CSMD1: variants seen among roughly 807,000 people sequenced by gnomAD.
CSMD1 encodes the protein CUB and sushi domain-containing protein 1.
In CSMD1, 213 loss-of-function variants were observed where a neutral mutation model predicts 417.5. The observed-to-expected ratio is 0.51, with a 90% CI of 0.46 to 0.57. The LOEUF (loss-of-function observed/expected upper bound fraction) is 0.57, where lower values mean the gene tolerates loss of function less well. CSMD1 is among the 20% of genes least tolerant of loss of function. The pLI, the probability that CSMD1 is intolerant of heterozygous loss-of-function variation, is 0.00. For missense variants in CSMD1, 6,923 were observed against 4,529.7 expected (o/e 1.53, Z -15.17); for synonymous variants, 2,862 against 1,736.8 (o/e 1.65, Z -16.11).
At chr8:3,596,361 T>A (rs1801094987) in intron 8 of CSMD1, among the ~76,000 whole-genome samples, 1 of 152,136 alleles carries the variant, frequency 6.6e-6, no homozygotes, top group South Asian at 2.1e-4. Flanking sequence ...TGACATATAT[T>A]ACTAACCACT....
intron 3 of CSMD1, among the ~76,000 whole-genome samples, chr8:4,085,779 G>C (rs1204299761): frequency 6.6e-6 from 1 of 152,162 alleles, no homozygotes; most frequent in Non-Finnish European, 1.5e-5. Context: ...GTTAAAGGAA[G>C]TAAATATGTT....
Position 3,052,645 on chromosome 8 carries a change from C to A in CSMD1, c.7477G>T (p.Val2493Leu). The A allele has an allele frequency of 1.3e-6, 2 of 1,593,856 alleles. No individual in the cohort carries two copies. Among genetic ancestry groups the A allele is most frequent in the Admixed American group, 1.8e-5 (1 of 56,468 alleles). Residue 2493 changes from valine (V) to leucine (L), a missense_variant and splice_region_variant, in exon 50 of 70, where the codon GTG becomes TTG. Physicochemically the swap from Val to Leu is conservative, Grantham distance 32 (BLOSUM62 1). Transcript: ENST00000635120. The part of the protein sequence containing the change: ...WDSLTPLCQA[V>L]SCGIPESPGN... ...GGGGATTCTGGGATTCCACAGGACA[C>A]AGCTGAAAAGAAATGAAACAAATGT... is the stretch of plus-strand genomic sequence containing the variant.
At chr8:3,613,308 T>C in intron 8 of CSMD1, 1 of 420,010 alleles carries the variant, frequency 2.4e-6, no homozygotes, top group South Asian at 1.7e-5. Context: ...TCCAGGTAGC[T>C]TCCCTGGTGA....
At chr8:4,332,701 T>G (rs1052787349) in intron 3 of CSMD1, among the ~76,000 whole-genome samples, 1 of 151,944 alleles carries the variant, frequency 6.6e-6, no homozygotes, top group Non-Finnish European at 1.5e-5. Flanking sequence ...TTAAATTACA[T>G]GAAAAAGTAT....
intron 8 of CSMD1, 108 bp downstream of exon 8, chr8:3,616,602 G>A (rs1007952646): frequency 1.4e-6 from 1 of 718,606 alleles, no homozygotes; most frequent in Non-Finnish European, 2.3e-6. Flanking sequence ...TGATTAAGAA[G>A]TTTTATCTTT....
intron 3 of CSMD1, among the ~76,000 whole-genome samples, chr8:4,238,267 G>C (rs939053504): frequency 2.6e-5 from 4 of 152,148 alleles, no homozygotes; most frequent in South Asian, 2.1e-4. Context: ...TCTTTCACTA[G>C]GGACTAGAGA....
intron 1 of CSMD1, among the ~76,000 whole-genome samples, chr8:4,933,366 G>T (rs982203992): frequency 5.5e-4 from 83 of 152,290 alleles, no homozygotes; most frequent in African/African-American, 1.9e-3. Context: ...TTGGTAAACT[G>T]TAAGTGCTGC....
At chr8:3,877,006 C>T (rs955239364) in intron 5 of CSMD1, among the ~76,000 whole-genome samples, 3 of 152,216 alleles carry the variant, frequency 2.0e-5, no homozygotes, top group Admixed American at 2.0e-4. Context: ...AACATACTTT[C>T]ATATGAAATG....
intron 5 of CSMD1, among the ~76,000 whole-genome samples, chr8:3,862,656 C>G (rs1034669120): frequency 6.6e-6 from 1 of 152,186 alleles, no homozygotes; most frequent in Non-Finnish European, 1.5e-5. Flanking sequence ...CTAAATATTT[C>G]TTTGGTTATT....
Position 3,029,740 on chromosome 8 carries a change from G to A in CSMD1, c.7661-227C>T, listed in dbSNP as rs186174447. 2.6e-5 allele frequency among the ~76,000 whole-genome samples: 4 copies of A among 151,148 alleles called. No individual in the cohort carries two copies. The East Asian group carries it at 7.7e-4, about 29-fold the overall frequency. ...TCACTACAGATGTCCTGGGAAGTCTGCAGTCAGACTGAACTGTAAAGGGGG... is the reference window on the plus strand; with the variant it reads ...TCACTACAGATGTCCTGGGAAGTCTACAGTCAGACTGAACTGTAAAGGGGG... On this transcript the variant is annotated intron_variant, in intron 50 of 69. Transcript: ENST00000635120.
chr8:3,336,039 T>C (rs964131797), intron 23 of CSMD1, among the ~76,000 whole-genome samples: 3 of 152,178 alleles, frequency 2.0e-5, no homozygotes, highest in African/African-American at 7.2e-5. Context: ...TAGGACTGTG[T>C]TGAGGTTAAC....
chr8:3,828,087 T>C (rs376803120), intron 5 of CSMD1, among the ~76,000 whole-genome samples: 48 of 152,318 alleles, frequency 3.2e-4, no homozygotes, highest in African/African-American at 1.1e-3. Flanking sequence ...AGAGCTTAAT[T>C]ACATCCTATA....
chr8:3,988,563 C>T (rs12676943), intron 5 of CSMD1, among the ~76,000 whole-genome samples: 27,346 of 152,034 alleles, frequency 0.18, 2,529 homozygotes, highest in East Asian at 0.35. Flanking sequence ...TGCTAGATCA[C>T]GGTCTGCATT....
intron 10 of CSMD1, among the ~76,000 whole-genome samples, chr8:3,506,200 C>T (rs570143389): frequency 1.2e-4 from 19 of 152,180 alleles, no homozygotes; most frequent in African/African-American, 4.3e-4. Context: ...AGCCCCAGGA[C>T]GAGCTGTCAG....
At chr8:3,868,396 G>C (rs1805251597) in intron 5 of CSMD1, among the ~76,000 whole-genome samples, 1 of 152,074 alleles carries the variant, frequency 6.6e-6, no homozygotes, top group South Asian at 2.1e-4. Context: ...GGTCCCTGCT[G>C]TGCAGATGGT....
intron 23 of CSMD1, among the ~76,000 whole-genome samples, chr8:3,332,506 G>C (rs545140184): frequency 1.3e-5 from 2 of 152,238 alleles, no homozygotes; most frequent in African/African-American, 4.8e-5. Context: ...AACTATGCCT[G>C]TGACCATTCA....
chr8:3,338,158 C>T (rs547685070), intron 23 of CSMD1, among the ~76,000 whole-genome samples: 1 of 152,268 alleles, frequency 6.6e-6, no homozygotes, highest in East Asian at 1.9e-4. Flanking sequence ...TAAAACCAGC[C>T]ACAAGACACA....
chr8:3,927,663 A>T (rs1019204775), intron 5 of CSMD1, among the ~76,000 whole-genome samples: 1 of 152,140 alleles, frequency 6.6e-6, no homozygotes, highest in Admixed American at 6.6e-5. Flanking sequence ...AAACAAGTGA[A>T]ACTTCATCTC....
intron 7 of CSMD1, among the ~76,000 whole-genome samples, chr8:3,633,485 T>C (rs1796882189): frequency 6.6e-6 from 1 of 152,202 alleles, no homozygotes. Flanking sequence ...CTGTTCCCAA[T>C]TTAGAAGTCA....
Sources: allele counts gnomAD v4.1 joint callset (sites outside exome capture counted in the v4.1 genomes callset), GRCh38; gene constraint gnomAD v4.1.1; transcripts MANE v1.5; gene names NCBI Gene and HGNC (gene_info 2026-07-23, HGNC 2026-07-21).